Variants in SLCO2B1 observed in about 807,000 individuals in gnomAD.
SLCO2B1 encodes solute carrier organic anion transporter family member 2B1, also known as OATP-RP2.
A neutral mutation model predicts 67.3 loss-of-function variants in SLCO2B1; 41 were observed. That is an observed-to-expected ratio of 0.61 (90% CI 0.47 to 0.79). SLCO2B1 has a LOEUF of 0.79. SLCO2B1 is among the 30% of genes least tolerant of loss of function. The probability of loss-of-function intolerance (pLI) is 0.00; values close to 1 mark genes in which losing one functional copy is unlikely to be tolerated. For missense variants in SLCO2B1, 837 were observed against 920.1 expected, an observed-to-expected ratio of 0.91 and a Z score of 1.17; for synonymous variants, 379 against 381.4, an observed-to-expected ratio of 0.99 and a Z score of 0.07.
chr11:75,153,992 C>T (rs1198529116), intron 1 of SLCO2B1, among the ~76,000 whole-genome samples: 2 of 147,676 alleles, frequency 1.4e-5, no homozygotes, highest in Non-Finnish European at 3.0e-5. Context: ...ATGGCGCCAT[C>T]TCGGCTCACT....
intron 1 of SLCO2B1, among the ~76,000 whole-genome samples, chr11:75,153,178 A>G (rs926611681): frequency 6.6e-6 from 1 of 152,108 alleles, no homozygotes; most frequent in East Asian, 1.9e-4. Flanking sequence ...ACTCTTCCAA[A>G]TGCCAACTCC....
Position 75,172,572 on chromosome 11 carries a change from A to G in SLCO2B1, c.972+3A>G, listed in dbSNP as rs773051702. 1 of 1,612,766 alleles carries G rather than the reference A, an allele frequency of 6.2e-7. No individual in the cohort carries two copies. Among genetic ancestry groups the G allele is most frequent in the Non-Finnish European group, 8.5e-7 (1 of 1,179,070 alleles). The stretch of plus-strand genomic sequence containing the variant: ...TCACAGACTCACCTGCCAGGAAGGT[A>G]AGCTCCCTCCATGTCACCTGACTGG... On this transcript the variant is annotated splice_donor_region_variant and intron_variant, in intron 7 of 13. Coordinates refer to ENST00000289575, the MANE Select transcript of SLCO2B1 (RefSeq NM_007256.5).
intron 7 of SLCO2B1, among the ~76,000 whole-genome samples, chr11:75,185,524 T>A (rs1329697029): frequency 8.0e-6 from 1 of 124,286 alleles, no homozygotes; most frequent in Non-Finnish European, 1.8e-5. Context: ...TTTTTTTTTG[T>A]GAAACAGGGT....
At chr11:75,174,969 G>A (rs1033172013) in intron 7 of SLCO2B1, among the ~76,000 whole-genome samples, 3 of 152,150 alleles carry the variant, frequency 2.0e-5, no homozygotes, top group African/African-American at 7.2e-5. Context: ...TATCCTGTGC[G>A]CCTCAGATTC....
chr11:75,173,266 C>T (rs556457795), intron 7 of SLCO2B1, among the ~76,000 whole-genome samples: 1 of 152,290 alleles, frequency 6.6e-6, no homozygotes, highest in Non-Finnish European at 1.5e-5. Context: ...GGGAAGACTT[C>T]CCTGAAGAGG....
Position 75,204,542 on chromosome 11 carries a change from TC to T in SLCO2B1, c.2093del (p.Ser698TrpfsTer51), listed in dbSNP as rs1157255240. Reference protein sequence around the residue: ...SPAVEQQLLVSGPGKKPEDSR... With the variant: ...SPAVEQQLLVXGPGKKPEDSR... ...TGCCGTAGAGCAGCAATTGCTAGTG[TC>T]GGGGCCAGGGAAGAAGCCAGAGGAT... is the stretch of plus-strand genomic sequence containing the variant. On this transcript the variant is annotated frameshift_variant, in exon 14 of 14. Transcript: ENST00000289575. LOFTEE classifies it high-confidence loss of function. The T allele has an allele frequency of 6.2e-7, 1 of 1,612,744 alleles. No homozygotes were observed. The highest frequency in any genetic ancestry group is 8.5e-7 in the Non-Finnish European group (1 of 1,179,482).
intron 7 of SLCO2B1, among the ~76,000 whole-genome samples, chr11:75,175,599 G>T (rs1223716501): frequency 6.6e-6 from 1 of 151,974 alleles, no homozygotes. Flanking sequence ...CCCCGAGAAG[G>T]TTTCTGGCCT....
intron 7 of SLCO2B1, among the ~76,000 whole-genome samples, chr11:75,181,658 C>T (rs1436653843): frequency 6.6e-6 from 1 of 152,114 alleles, no homozygotes; most frequent in African/African-American, 2.4e-5. Context: ...CGCCTGGATC[C>T]CTGGGGGCCC....
intron 11 of SLCO2B1, 134 bp downstream of exon 11, chr11:75,200,521 C>A: frequency 2.4e-6 from 2 of 822,312 alleles, no homozygotes; most frequent in South Asian, 2.2e-5. Flanking sequence ...ATGGCCTTAA[C>A]TGTGTTCATC....
At chr11:75,195,811 G>A (rs1945090031) in intron 9 of SLCO2B1, among the ~76,000 whole-genome samples, 1 of 152,220 alleles carries the variant, frequency 6.6e-6, no homozygotes. Flanking sequence ...CGTGAAGCCA[G>A]GTGACACTGT....
chr11:75,184,950 T>C (rs1247909521), intron 7 of SLCO2B1, among the ~76,000 whole-genome samples: 1 of 152,160 alleles, frequency 6.6e-6, no homozygotes, highest in Non-Finnish European at 1.5e-5. Context: ...AATCCATTAC[T>C]GTTTTCTGCC....
intron 7 of SLCO2B1, among the ~76,000 whole-genome samples, chr11:75,185,889 G>A (rs1334551080): frequency 2.0e-5 from 3 of 152,096 alleles, no homozygotes; most frequent in Non-Finnish European, 2.9e-5. Context: ...TGCAAGAATC[G>A]ATATTATTAT....
intron 7 of SLCO2B1, among the ~76,000 whole-genome samples, chr11:75,176,939 G>A (rs1950033213): frequency 1.3e-5 from 2 of 152,172 alleles, no homozygotes. Context: ...AGCACCACGG[G>A]CCCTTGCACC....
chr11:75,173,762 T>C (rs949020099), intron 7 of SLCO2B1, among the ~76,000 whole-genome samples: 7 of 152,150 alleles, frequency 4.6e-5, no homozygotes, highest in Admixed American at 1.3e-4. Context: ...AAACAACAAA[T>C]TGGCTTCAAA....
In SLCO2B1 at chr11:75,169,412, G is replaced by A. The variant is rs374720108; in HGVS notation, c.682+6G>A. 4.4e-6 allele frequency: 7 copies of A among 1,580,170 alleles called. No individual in the cohort carries two copies. Among genetic ancestry groups the A allele is most frequent in the African/African-American group, 1.3e-5 (1 of 74,602 alleles). On this transcript the variant is annotated splice_donor_region_variant and intron_variant, in intron 5 of 13. Transcript: ENST00000289575. The stretch of plus-strand genomic sequence containing the variant: ...CAACTCGCCCCTCTACCTCGGTGAG[G>A]ACCAGTGCCATCCCTTGGCCTCTGA...
intron 8 of SLCO2B1, among the ~76,000 whole-genome samples, chr11:75,191,866 G>A (rs778088029): frequency 9.9e-5 from 15 of 152,194 alleles, no homozygotes; most frequent in Non-Finnish European, 2.2e-4. Flanking sequence ...CTACCAATGA[G>A]CATCACTTGG....
chr11:75,176,999 C>T (rs544832607), intron 7 of SLCO2B1, among the ~76,000 whole-genome samples: 2 of 152,288 alleles, frequency 1.3e-5, no homozygotes, highest in South Asian at 4.1e-4. Context: ...GAAGGGCTCC[C>T]CTAGACCACC....
Position 75,163,947 on chromosome 11 carries a change from C to T in SLCO2B1, c.148-16C>T. 6.3e-7 allele frequency: 1 copy of T among 1,589,848 alleles called. No homozygotes were observed. The highest frequency in any genetic ancestry group is 8.6e-7 in the Non-Finnish European group (1 of 1,168,634). On this transcript the variant is annotated splice_polypyrimidine_tract_variant and intron_variant, in intron 2 of 13. Transcript: ENST00000289575. ...CTGCACCGCCCACCTCTGCCTGCCTCCGGGTCCCCCCACAGCTGTTCGTTC... is the reference window on the plus strand; with the variant it reads ...CTGCACCGCCCACCTCTGCCTGCCTTCGGGTCCCCCCACAGCTGTTCGTTC...
chr11:75,187,645 G>T (rs923637040), intron 7 of SLCO2B1, among the ~76,000 whole-genome samples: 1 of 152,134 alleles, frequency 6.6e-6, no homozygotes, highest in Non-Finnish European at 1.5e-5. Flanking sequence ...GATTCTGAAG[G>T]TTCAGGTGAC....
Sources: allele counts gnomAD v4.1 joint callset (sites outside exome capture counted in the v4.1 genomes callset), GRCh38; gene constraint gnomAD v4.1.1; transcripts MANE v1.5; gene names NCBI Gene and HGNC (gene_info 2026-07-23, HGNC 2026-07-21).